Variants in GRM6 observed in about 807,000 individuals in gnomAD.
The protein encoded by GRM6 is metabotropic glutamate receptor 6.
Under a neutral mutation model 78.4 loss-of-function variants are expected in GRM6, and 73 were observed. That is an observed-to-expected ratio of 0.93 (90% CI 0.77 to 1.13). The LOEUF (loss-of-function observed/expected upper bound fraction) is 1.13, where lower values mean the gene tolerates loss of function less well. GRM6 is among the 50% of genes most tolerant of loss of function. The probability of loss-of-function intolerance (pLI) is 0.00; values close to 1 mark genes in which losing one functional copy is unlikely to be tolerated. For synonymous variants in GRM6, 580 were observed against 555.0 expected (o/e 1.05, Z -0.63); for missense variants, 1,251 against 1,256.4 (o/e 1.00, Z 0.07).
intron 2 of GRM6, among the ~76,000 whole-genome samples, chr5:178,993,536 G>A (rs967002618): frequency 1.3e-5 from 2 of 152,276 alleles, no homozygotes; most frequent in African/African-American, 4.8e-5. Flanking sequence ...CGCTGCGCCC[G>A]GGAGTCGGAG....
rs751133265 is a variant in GRM6 at position 178,991,599 on chromosome 5, C to T, written c.722-40G>A. 60 of 1,607,838 alleles carry T rather than the reference C, an allele frequency of 3.7e-5. No individual in the cohort carries two copies. The highest frequency in any genetic ancestry group is 5.1e-5 in the Non-Finnish European group (60 of 1,175,104). ...TGCCAGAGTCAGCTTCCGTCCCACC[C>T]ACCCACACACCCACCTGGCCACCGC... On this transcript the variant is annotated intron_variant, in intron 3 of 10. Transcript: ENST00000517717. This position sits in a 1 kb window ranked among gnomAD's most constrained non-coding sequence, Gnocchi z 5.0.
chr5:178,982,521 G>T (rs1169932594), intron 10 of GRM6, among the ~76,000 whole-genome samples: 1 of 131,938 alleles, frequency 7.6e-6, no homozygotes, highest in Non-Finnish European at 1.5e-5. Context: ...AGCTTGCAGT[G>T]AGCCAAGATC....
intron 9 of GRM6, among the ~76,000 whole-genome samples, chr5:178,984,288 G>A (rs934974025): frequency 1.5e-4 from 16 of 105,394 alleles, no homozygotes; most frequent in African/African-American, 3.9e-4. Flanking sequence ...GGGAGCGAGC[G>A]AGCACGCCTC....
Position 178,989,351 on chromosome 5 carries a change from C to G in GRM6, c.1067G>C (p.Trp356Ser), listed in dbSNP as rs1278707405. Residue 356 changes from tryptophan (W) to serine (S), a missense_variant, in exon 6 of 11, where the codon TGG (tryptophan) becomes TCG (serine). By Grantham distance (177) the Trp-to-Ser change is radical (BLOSUM62 -3). Transcript: ENST00000517717. ...ATTCTCTTCCCAGAACTCGGCGAAC[C>G]AGATGTTCCTGCGGTTGTTCTCCAG... ...RSLENNRRNI[W>S]FAEFWEENFN... The G allele has an allele frequency of 6.2e-7, 1 of 1,614,016 alleles. No homozygotes were observed. Among genetic ancestry groups the G allele is most frequent in the Admixed American group, 1.7e-5 (1 of 60,018 alleles).
intron 9 of GRM6, chr5:178,985,404 TA>T (rs10716144): frequency 0.29 from 90,376 of 314,430 alleles, 5,610 homozygotes; most frequent in Non-Finnish European, 0.31. Context: ...CCTGTGGCCT[TA>T]AAAAAAAAAA....
Position 178,986,224 on chromosome 5 carries a change from C to A in GRM6, c.2030G>T (p.Arg677Leu). 1.2e-6 allele frequency: 2 copies of A among 1,614,126 alleles called. No homozygotes were observed. Among genetic ancestry groups the A allele is most frequent in the Non-Finnish European group, 1.7e-6 (2 of 1,180,016 alleles). ...ALLTKTNRIY[R>L]IFEQGKRSVT... ...CGAGCGCTTGCCCTGCTCAAAGATG[C>A]GGTAGATACGGTTGGTCTTGGTGAG... Residue 677 changes from arginine (R) to leucine (L), a missense_variant, in exon 9 of 11, where the codon CGC becomes CTC. By Grantham distance (102) the Arg-to-Leu change is moderately radical. Coordinates refer to ENST00000517717, the MANE Select transcript of GRM6 (RefSeq NM_000843.4).
At chr5:178,984,626 A>G (rs1170606743) in intron 9 of GRM6, among the ~76,000 whole-genome samples, 1 of 151,980 alleles carries the variant, frequency 6.6e-6, no homozygotes, top group Non-Finnish European at 1.5e-5. Context: ...GAGCAGGAGC[A>G]CCTCAGGCCG....
In GRM6 at chr5:178,991,344, G is replaced by A. The variant is rs540839293; in HGVS notation, c.857+80C>T. 9.9e-6 allele frequency: 13 copies of A among 1,311,134 alleles called. No individual in the cohort carries two copies. Among genetic ancestry groups the A allele is most frequent in the Admixed American group, 3.4e-5 (2 of 59,668 alleles). 81.2% of individuals were successfully genotyped at this position (1,311,134 alleles called of 1,614,324 possible). On this transcript the variant is annotated intron_variant, in intron 4 of 10. Coordinates refer to ENST00000517717, the MANE Select transcript of GRM6 (RefSeq NM_000843.4). The surrounding 1 kb of genome is among the most constrained non-coding windows in gnomAD (Gnocchi z 5.0). ...GGGGAAAGGGAGGCAGGGAGAGTGTGTAAGGTGGCGATGTGCAAGAGGAGG... is the reference window on the plus strand; with the variant it reads ...GGGGAAAGGGAGGCAGGGAGAGTGTATAAGGTGGCGATGTGCAAGAGGAGG...
In GRM6 at chr5:178,986,986, G is replaced by A. The variant is rs1191807789; in HGVS notation, c.1355-3C>T. ...CATCACAGGGGTTCCTGCGCTGCCT[G>A]GAGAGAGAGTCCGTCATCCTCGGTG... On this transcript the variant is annotated splice_polypyrimidine_tract_variant and splice_region_variant and intron_variant, in intron 7 of 10. Coordinates refer to ENST00000517717, the MANE Select transcript of GRM6 (RefSeq NM_000843.4). 1.2e-6 allele frequency: 2 copies of A among 1,613,236 alleles called. No individual in the cohort carries two copies. The highest frequency in any genetic ancestry group is 2.7e-5 in the African/African-American group (2 of 75,030).
At chr5:178,990,799 G>C in intron 4 of GRM6, 53 bp from the exon 5 acceptor site, 1 of 1,436,172 alleles carries the variant, frequency 7.0e-7, no homozygotes, top group Non-Finnish European at 9.5e-7. Context: ...CCTCCAGCTC[G>C]GCCCCCATCC....
In GRM6 at chr5:178,988,917, G is replaced by A. The variant is rs1179712289; in HGVS notation, c.1354+18C>T. On this transcript the variant is annotated intron_variant, in intron 7 of 10. Transcript: ENST00000517717. This position sits in a 1 kb window ranked among gnomAD's most constrained non-coding sequence, Gnocchi z 6.0. ...CCAGCTGTCCTTCACTGCTGCAGGG[G>A]GGCAGGCACCCACTCACCATTGAAG... is the stretch of plus-strand genomic sequence containing the variant. The A allele has an allele frequency of 6.2e-6, 10 of 1,602,272 alleles. No homozygotes were observed. The highest frequency in any genetic ancestry group is 8.5e-6 in the Non-Finnish European group (10 of 1,171,570).
At chr5:178,987,921 A>ACCTG (rs371810289) in intron 7 of GRM6, among the ~76,000 whole-genome samples, 2 of 143,862 alleles carry the variant, frequency 1.4e-5, no homozygotes, top group African/African-American at 5.1e-5. Flanking sequence ...CGCCATGCCC[A>ACCTG]GCTAATTTTT....
chr5:178,993,833 A>G (rs962752850), intron 2 of GRM6, among the ~76,000 whole-genome samples: 1 of 152,174 alleles, frequency 6.6e-6, no homozygotes, highest in Non-Finnish European at 1.5e-5. Context: ...TGCGCAGGGC[A>G]GGGTGCAGGA....
chr5:178,990,804 C>G (rs532449865), intron 4 of GRM6, 58 bp from the exon 5 acceptor site: 1 of 1,358,600 alleles, frequency 7.4e-7, no homozygotes, highest in East Asian at 2.5e-5. Context: ...AGCTCGGCCC[C>G]CATCCCTTCC....
At chr5:178,985,136 C>T (rs572167879) in intron 9 of GRM6, 1 of 353,508 alleles carries the variant, frequency 2.8e-6, no homozygotes, top group East Asian at 9.4e-5. Context: ...CTCTCATCCA[C>T]ACTGCCCCAG....
Position 178,981,422 on chromosome 5 carries a change from C to A in GRM6, c.*235G>T. 1 of 506,288 alleles carries A rather than the reference C, an allele frequency of 2.0e-6. No individual in the cohort carries two copies. The highest frequency in any genetic ancestry group is 3.6e-6 in the Non-Finnish European group (1 of 281,252). 31.4% of individuals were successfully genotyped at this position (506,288 alleles called of 1,614,324 possible). On this transcript the variant is annotated 3_prime_UTR_variant, in exon 11 of 11. Coordinates refer to ENST00000517717, the MANE Select transcript of GRM6 (RefSeq NM_000843.4). This position sits in a 1 kb window ranked among gnomAD's most constrained non-coding sequence, Gnocchi z 5.1. The stretch of plus-strand genomic sequence containing the variant: ...CTAGAACCTTCTCGGTGGCTGTTTC[C>A]CACCATGGGAAGCGAGTCTGGTCTG...
Position 178,978,567 on chromosome 5 carries a change from T to TGAGA in GRM6, c.*3086_*3089dup, listed in dbSNP as rs1760331308. On this transcript the variant is annotated 3_prime_UTR_variant, in exon 11 of 11. Coordinates refer to ENST00000517717, the MANE Select transcript of GRM6 (RefSeq NM_000843.4). ...AAGTCTCAACACAGTGGACCACAGG[T>TGAGA]GAGACCTTATAAATAGGTGGTTAAA... The TGAGA allele has an allele frequency of 6.6e-6, 1 of 152,300 alleles. No homozygotes were observed. Among genetic ancestry groups the TGAGA allele is most frequent in the East Asian group, 1.9e-4 (1 of 5,190 alleles). The allele number at this position is 152,300 out of a possible 1,614,324, so 9.4% of individuals were successfully genotyped here. A position where few individuals can be genotyped will look rare whatever the true frequency, so the allele number is the denominator to read the frequency against.
chr5:178,985,608 CAGG>C (rs1760511225), intron 9 of GRM6: 2 of 352,166 alleles, frequency 5.7e-6, no homozygotes, highest in Admixed American at 7.8e-5. Flanking sequence ...GAGGCTGAGG[CAGG>C]AGAATGGCGT....
rs61731185 is a variant in GRM6 at position 178,981,782 on chromosome 5, C to T, written c.2509G>A (p.Val837Ile). 1.9e-3 allele frequency: 3,077 copies of T among 1,612,844 alleles called. 52 individuals are homozygous for T. The African/African-American group carries it at 0.036, about 19-fold the overall frequency. Residue 837 changes from valine (V) to isoleucine (I), a missense_variant, in exon 11 of 11, where the codon GTA (valine) becomes ATA (isoleucine). Coordinates refer to ENST00000517717, the MANE Select transcript of GRM6 (RefSeq NM_000843.4). The surrounding 1 kb of genome is among the most constrained non-coding windows in gnomAD (Gnocchi z 5.1). Reference sequence around the variant, plus strand: ...AAGAGGATGACGTAGGTTTTGGGTACGTAGAGCATGCCGAGGGACACCGAG... The same window carrying T: ...AAGAGGATGACGTAGGTTTTGGGTATGTAGAGCATGCCGAGGGACACCGAG... ...SASVSLGMLY[V>I]PKTYVILFHP...
Sources: allele counts gnomAD v4.1 joint callset (sites outside exome capture counted in the v4.1 genomes callset), GRCh38; gene constraint gnomAD v4.1.1; non-coding constraint Gnocchi (gnomAD v3.1); transcripts MANE v1.5; gene names NCBI Gene and HGNC (gene_info 2026-07-23, HGNC 2026-07-21).